The following ERC1 variants were observed in gnomAD, a reference collection of about 807,000 sequenced individuals.
ERC1 encodes ELKS/RAB6-interacting/CAST family member 1.
Under a neutral mutation model 132.0 loss-of-function variants are expected in ERC1, and 56 were observed. That is an observed-to-expected ratio of 0.42 (90% CI 0.34 to 0.53). The LOEUF (loss-of-function observed/expected upper bound fraction) is 0.53. Ranked by LOEUF, ERC1 falls within the 20% of genes least tolerant of loss-of-function variation. ERC1 has a pLI of 0.03. For missense variants in ERC1, 1,202 were observed against 1,349.9 expected (o/e 0.89, Z 1.72); for synonymous variants, 478 against 476.1 (o/e 1.00, Z -0.05).
At chr12:1,240,521 G>T (rs1010310818) in intron 13 of ERC1, among the ~76,000 whole-genome samples, 4 of 152,134 alleles carry the variant, frequency 2.6e-5, no homozygotes, top group Non-Finnish European at 5.9e-5. Context: ...TATTTGCGTA[G>T]CCCTGGAGTG....
Position 1,491,584 on chromosome 12 carries a change from A to T in ERC1, c.*1354A>T. 5.4e-6 allele frequency: 1 copy of T among 185,746 alleles called. No individual in the cohort carries two copies. Among genetic ancestry groups the T allele is most frequent in the Non-Finnish European group, 1.1e-5 (1 of 94,010 alleles). 11.5% of individuals were successfully genotyped at this position (185,746 alleles called of 1,614,324 possible). Reference sequence around the variant, plus strand: ...TTTTCTAGAAAAGTTCCCTAATGGAATTCATGAGTTTGGGGGTCTCAGTCA... The same window carrying T: ...TTTTCTAGAAAAGTTCCCTAATGGATTTCATGAGTTTGGGGGTCTCAGTCA... On this transcript the variant is annotated 3_prime_UTR_variant, in exon 19 of 19. Coordinates refer to ENST00000360905, the MANE Select transcript of ERC1 (RefSeq NM_178040.4).
chr12:1,191,852 A>G (rs79186112), intron 12 of ERC1, among the ~76,000 whole-genome samples: 1 of 141,926 alleles, frequency 7.0e-6, no homozygotes, highest in Non-Finnish European at 1.5e-5. Context: ...TGGCTACTGG[A>G]AAAAAAAAAA....
intron 15 of ERC1, among the ~76,000 whole-genome samples, chr12:1,293,877 T>C (rs1433039300): frequency 6.6e-6 from 1 of 152,170 alleles, no homozygotes; most frequent in Admixed American, 6.5e-5. Flanking sequence ...TGTAGACATA[T>C]GATAAAGGAC....
rs572717719 is a variant in ERC1 at position 1,495,742 on chromosome 12, G to A, written c.*5512G>A. On this transcript the variant is annotated 3_prime_UTR_variant, in exon 19 of 19. Transcript: ENST00000360905. ...CTCCATGGTGGTGTCTGGGATGCAC[G>A]TGCACCCGCTGCCTTCAGCTGTATG... is the stretch of plus-strand genomic sequence containing the variant. The A allele has an allele frequency of 7.6e-5, 17 of 223,688 alleles. No individual in the cohort carries two copies. The highest frequency in any genetic ancestry group is 1.3e-4 in the East Asian group (2 of 15,460). The allele number at this position is 223,688 out of a possible 1,614,324, so 13.9% of individuals were successfully genotyped here. A position where few individuals can be genotyped will look rare whatever the true frequency, so the allele number is the denominator to read the frequency against.
At chr12:1,262,670 A>G (rs1036371133) in intron 13 of ERC1, among the ~76,000 whole-genome samples, 3 of 151,374 alleles carry the variant, frequency 2.0e-5, no homozygotes, top group Non-Finnish European at 4.4e-5. Flanking sequence ...TCGAATTACT[A>G]TCTCATCAAA....
At chr12:1,059,113 A>G (rs1355507359) in intron 2 of ERC1, among the ~76,000 whole-genome samples, 7 of 152,094 alleles carry the variant, frequency 4.6e-5, no homozygotes, top group Non-Finnish European at 7.4e-5. Context: ...ATGGGATTGC[A>G]TTCTTGGTTA....
intron 18 of ERC1, among the ~76,000 whole-genome samples, chr12:1,464,202 A>G (rs1323726878): frequency 6.6e-6 from 1 of 151,482 alleles, no homozygotes; most frequent in East Asian, 1.9e-4. Context: ...CTAAATGTAG[A>G]ATAATCTTGT....
At chr12:1,103,694 AGC>A (rs1944925744) in intron 3 of ERC1, among the ~76,000 whole-genome samples, 2 of 152,080 alleles carry the variant, frequency 1.3e-5, no homozygotes. Flanking sequence ...GGAAGGATGG[AGC>A]AGGTTTGGGG....
At position 999,609 on chromosome 12, in the gene ERC1, A is replaced by ATTTTTTTTT. The variant is rs10661786; in HGVS notation, c.-157+8300_-157+8308dup. On this transcript the variant is annotated intron_variant, in intron 1 of 18. Transcript: ENST00000360905. The stretch of plus-strand genomic sequence containing the variant: ...CAAGCATTGAACCTGGTGCTAGGTG[A>ATTTTTTTTT]TTTTTTTTTTTTTTTTTTTTTGAGA... Among the ~76,000 whole-genome samples the ATTTTTTTTT allele has an allele frequency of 1.9e-5, 2 of 102,948 alleles. 1 individual carries two copies. Among genetic ancestry groups the ATTTTTTTTT allele is most frequent in the Admixed American group, 2.4e-4 (2 of 8,234 alleles). The allele number at this position is 102,948 out of a possible 152,430, so 67.5% of individuals were successfully genotyped here.
intron 15 of ERC1, among the ~76,000 whole-genome samples, chr12:1,340,033 T>C (rs61913097): frequency 0.37 from 56,940 of 152,076 alleles, 10,906 homozygotes; most frequent in Middle Eastern, 0.41. Context: ...GGGGAAGCTG[T>C]AATGTGTGGA....
chr12:1,027,217 T>TA (rs1466887370), intron 1 of ERC1, among the ~76,000 whole-genome samples: 2 of 152,260 alleles, frequency 1.3e-5, no homozygotes, highest in Non-Finnish European at 2.9e-5. Context: ...TACTGATGTA[T>TA]ACATTGATAC....
At chr12:1,442,612 C>CT (rs1276278466) in intron 17 of ERC1, among the ~76,000 whole-genome samples, 2 of 152,206 alleles carry the variant, frequency 1.3e-5, no homozygotes, top group African/African-American at 4.8e-5. Context: ...GAACTCTGAT[C>CT]TTTTTAGCAA....
chr12:1,367,880 A>G (rs545305233), intron 15 of ERC1, among the ~76,000 whole-genome samples: 1 of 151,702 alleles, frequency 6.6e-6, no homozygotes, highest in East Asian at 1.9e-4. Flanking sequence ...TCATTATGCT[A>G]ATAATGTGCA....
chr12:1,382,161 A>G (rs540089874), intron 16 of ERC1, among the ~76,000 whole-genome samples: 31 of 152,354 alleles, frequency 2.0e-4, no homozygotes, highest in Middle Eastern at 3.4e-3. Flanking sequence ...ATAAATAAGT[A>G]TATAATCTTG....
chr12:1,166,899 C>T (rs1310193769), intron 8 of ERC1, among the ~76,000 whole-genome samples: 1 of 152,114 alleles, frequency 6.6e-6, no homozygotes, highest in Non-Finnish European at 1.5e-5. Flanking sequence ...TGGACATATG[C>T]AAAGGCTTAT....
chr12:1,464,679 C>G (rs113887326), intron 18 of ERC1, among the ~76,000 whole-genome samples: 3,931 of 151,732 alleles, frequency 0.026, 174 homozygotes, highest in African/African-American at 0.089. Flanking sequence ...CACCATGACG[C>G]CCAGCTAATT....
chr12:1,143,328 TCG>T (rs1491459033), intron 8 of ERC1, among the ~76,000 whole-genome samples: 1 of 113,904 alleles, frequency 8.8e-6, no homozygotes, highest in Admixed American at 9.0e-5. Context: ...GGCTTTTGAC[TCG>T]TGTGTGTGTG....
At chr12:1,092,608 A>T (rs1055280530) in intron 3 of ERC1, among the ~76,000 whole-genome samples, 1 of 152,210 alleles carries the variant, frequency 6.6e-6, no homozygotes, top group African/African-American at 2.4e-5. Context: ...TTATGATGGT[A>T]TGTGATTAAA....
At chr12:1,353,325 C>T (rs935903098) in intron 15 of ERC1, among the ~76,000 whole-genome samples, 8 of 152,192 alleles carry the variant, frequency 5.3e-5, no homozygotes, top group East Asian at 1.9e-4. Context: ...CCACCGCGCC[C>T]GGCCTACAAA....
Sources: allele counts gnomAD v4.1 joint callset (sites outside exome capture counted in the v4.1 genomes callset), GRCh38; gene constraint gnomAD v4.1.1; transcripts MANE v1.5; gene names NCBI Gene and HGNC (gene_info 2026-07-23, HGNC 2026-07-21).